The following MEP1A variants were observed in gnomAD, a reference collection of about 807,000 sequenced individuals.
MEP1A encodes meprin A subunit alpha, also known as N-benzoyl-L-tyrosyl-P-amino-benzoic acid hydrolase subunit alpha.
A neutral mutation model predicts 84.5 loss-of-function variants in MEP1A; 68 were observed. The ratio of observed to expected loss-of-function variants is 0.80; its 90% CI spans 0.66 to 0.98. MEP1A has a LOEUF of 0.98. Among genes scored for constraint, MEP1A ranks in the 50% least tolerant of loss-of-function variants. The probability of loss-of-function intolerance (pLI) is 0.00; values close to 1 mark genes in which losing one functional copy is unlikely to be tolerated. For synonymous variants in MEP1A, 337 were observed against 336.8 expected (o/e 1.00, Z -0.01); for missense variants, 887 against 919.9 (o/e 0.96, Z 0.46).
chr6:46,835,594 C>T (rs1354649014), intron 13 of MEP1A, 45 bp downstream of exon 13: 1 of 1,594,090 alleles, frequency 6.3e-7, no homozygotes, highest in Non-Finnish European at 8.6e-7. Context: ...CAGACCTGGG[C>T]CGTGTGCATG....
downstream of MEP1A, among the ~76,000 whole-genome samples, chr6:46,842,594 T>C (rs1768353389): frequency 6.6e-6 from 1 of 152,154 alleles, no homozygotes; most frequent in South Asian, 2.1e-4. Flanking sequence ...CTGTTTTCTG[T>C]TAAGATGTTT....
intron 3 of MEP1A, among the ~76,000 whole-genome samples, chr6:46,797,818 CT>C: frequency 6.8e-6 from 1 of 147,774 alleles, no homozygotes; most frequent in Non-Finnish European, 1.5e-5. Context: ...TTCTTTCTTT[CT>C]TTCTTTCTTT....
At chr6:46,823,238 C>T (rs558547620) in intron 7 of MEP1A, among the ~76,000 whole-genome samples, 1 of 152,324 alleles carries the variant, frequency 6.6e-6, no homozygotes, top group East Asian at 1.9e-4. Context: ...TGGAGCATCG[C>T]CTGGCCACAC....
At chr6:46,826,218 C>A in intron 8 of MEP1A, 136 bp from the exon 9 acceptor site, 1 of 710,392 alleles carries the variant, frequency 1.4e-6, no homozygotes, top group South Asian at 3.0e-5. Flanking sequence ...GTAAGATTTG[C>A]ATTTGAGAAA....
intron 7 of MEP1A, among the ~76,000 whole-genome samples, chr6:46,823,522 G>A (rs1321118144): frequency 6.6e-6 from 1 of 152,212 alleles, no homozygotes; most frequent in Non-Finnish European, 1.5e-5. Flanking sequence ...TGAGGCAGGA[G>A]AATTGTTTGA....
intron 3 of MEP1A, among the ~76,000 whole-genome samples, chr6:46,794,501 T>C (rs1401588032): frequency 6.6e-6 from 1 of 152,190 alleles, no homozygotes; most frequent in African/African-American, 2.4e-5. Flanking sequence ...TAGGTAGCAG[T>C]GATGGGGCTT....
rs1286963201 is a variant in MEP1A, at chr6:46,826,435, C to G, written c.860C>G (p.Thr287Ser). The G allele has an allele frequency of 1.2e-6, 2 of 1,609,072 alleles. No homozygotes were observed. Among genetic ancestry groups the G allele is most frequent in the South Asian group, 2.2e-5 (2 of 89,380 alleles). The change falls in exon 9 of 14, where the codon ACT becomes AGT. Residue 287 changes from threonine to serine, a missense_variant. By Grantham distance (58) the Thr-to-Ser change is moderately conservative. Transcript: ENST00000230588. Reference sequence around the variant, plus strand: ...ATGATTCAGGGCACCAGAGATGACACTGACTGGGCCCATCAGGACAGTGCT... The same window carrying G: ...ATGATTCAGGGCACCAGAGATGACAGTGACTGGGCCCATCAGGACAGTGCT... Reference protein sequence around the residue: ...CGMIQGTRDDTDWAHQDSAQA... With the variant: ...CGMIQGTRDDSDWAHQDSAQA...
At chr6:46,797,939 C>A (rs12180119) in intron 3 of MEP1A, among the ~76,000 whole-genome samples, 1 of 38,400 alleles carries the variant, frequency 2.6e-5, no homozygotes, top group Non-Finnish European at 5.2e-5. Context: ...TCTTTCCTTC[C>A]TTCCTTCCTT....
At chr6:46,840,817 T>C (rs1303190757), downstream of MEP1A, among the ~76,000 whole-genome samples, 1 of 152,250 alleles carries the variant, frequency 6.6e-6, no homozygotes, top group African/African-American at 2.4e-5. Flanking sequence ...AGCTATCCTG[T>C]CACCAGCCCA....
At chr6:46,833,739 A>C (rs2150756900) in intron 11 of MEP1A, among the ~76,000 whole-genome samples, 1 of 152,180 alleles carries the variant, frequency 6.6e-6, no homozygotes, top group Non-Finnish European at 1.5e-5. Context: ...CTCATCAAAC[A>C]TCTATTGAGG....
the MEP1A span, among the ~76,000 whole-genome samples, chr6:46,845,436 C>G: frequency 7.9e-5 from 12 of 152,320 alleles, no homozygotes; most frequent in African/African-American, 2.9e-4. Flanking sequence ...TCTTGGGCTG[C>G]TTATCTGTAT....
In MEP1A at chr6:46,835,556, T is replaced by G; in HGVS notation, c.2084+7T>G. The G allele has an allele frequency of 6.2e-7, 1 of 1,612,958 alleles. No homozygotes were observed. Among genetic ancestry groups the G allele is most frequent in the African/African-American group, 1.3e-5 (1 of 75,018 alleles). On this transcript the variant is annotated splice_region_variant and intron_variant, in intron 13 of 13. Transcript: ENST00000230588. ...AGGGGATGGCGAGCTGCAGGTAGGCTCTGTGGCTGGGGAGACAGGCAGGCC... is the reference window on the plus strand; with the variant it reads ...AGGGGATGGCGAGCTGCAGGTAGGCGCTGTGGCTGGGGAGACAGGCAGGCC...
At chr6:46,804,293 G>A (rs1581666067) in intron 5 of MEP1A, among the ~76,000 whole-genome samples, 3 of 151,416 alleles carry the variant, frequency 2.0e-5, no homozygotes, top group Admixed American at 1.3e-4. Context: ...ATAGAATTTC[G>A]GTTTATAGTA....
Position 46,835,391 on chromosome 6 carries a change from CCTGAGCCAGGGGCAGCCCAGCCGA to C in MEP1A, c.1928_1951del (p.Leu643_Arg650del). ...TGTTAGAGGAAGCCCTACCTGTCAG[CCTGAGCCAGGGGCAGCCCAGCCGA>C]CAGAAGCGGTCGGTGGAGAACACAG... On this transcript the variant is annotated inframe_deletion, in exon 13 of 14. Coordinates refer to ENST00000230588, the MANE Select transcript of MEP1A (RefSeq NM_005588.3). 6.2e-7 allele frequency: 1 copy of C among 1,612,116 alleles called. No homozygotes were observed. Among genetic ancestry groups the C allele is most frequent in the Non-Finnish European group, 8.5e-7 (1 of 1,179,108 alleles).
chr6:46,803,430 T>G (rs967915883), intron 5 of MEP1A, among the ~76,000 whole-genome samples: 1 of 151,690 alleles, frequency 6.6e-6, no homozygotes, highest in Non-Finnish European at 1.5e-5. Flanking sequence ...TCTTTAGTGA[T>G]AGTCCTATTT....
chr6:46,835,179 C>A (rs1768185596), intron 12 of MEP1A, 70 bp from the exon 13 acceptor site: 1 of 1,386,348 alleles, frequency 7.2e-7, no homozygotes, highest in Non-Finnish European at 9.8e-7. Flanking sequence ...GGAACTTTCA[C>A]CAGAAGTGGG....
chr6:46,815,427 C>A (rs1767612106), intron 6 of MEP1A, among the ~76,000 whole-genome samples: 1 of 152,206 alleles, frequency 6.6e-6, no homozygotes, highest in African/African-American at 2.4e-5. Flanking sequence ...GTCCTAAAGG[C>A]TGGGCTTATT....
At position 46,800,027 on chromosome 6, in the gene MEP1A, C is replaced by T. The variant is rs186823627; in HGVS notation, c.262+846C>T. ...TCCATCCTCTTTATCAGTGCTGCCT[C>T]GAATCCCTGTTTATGGAGAACAGCT... is the stretch of plus-strand genomic sequence containing the variant. On this transcript the variant is annotated intron_variant, in intron 5 of 13. Coordinates refer to ENST00000230588, the MANE Select transcript of MEP1A (RefSeq NM_005588.3). Among the ~76,000 whole-genome samples the T allele has an allele frequency of 7.2e-5, 11 of 152,262 alleles. 1 individual carries two copies. In the South Asian group the frequency reaches 1.2e-3, roughly 17 times the overall value.
intron 13 of MEP1A, among the ~76,000 whole-genome samples, chr6:46,837,633 A>C (rs1581691931): frequency 6.6e-6 from 1 of 152,192 alleles, no homozygotes; most frequent in African/African-American, 2.4e-5. Flanking sequence ...AAGGGAGGCC[A>C]GGGCTGCCAC....
Sources: gnomAD v4.1 joint callset for allele counts (sites outside exome capture counted in the v4.1 genomes callset) on GRCh38, gnomAD v4.1.1 for gene constraint, MANE v1.5 for transcripts, NCBI Gene and HGNC (gene_info 2026-07-23, HGNC 2026-07-21) for gene names.